FAM83G: variants seen among roughly 807,000 people sequenced by gnomAD.
FAM83G encodes protein FAM83G.
A neutral mutation model predicts 61.5 loss-of-function variants in FAM83G; 38 were observed. That is an observed-to-expected ratio of 0.62 (90% confidence interval 0.48 to 0.81). The LOEUF is 0.81. Ranked by LOEUF, FAM83G falls within the 30% of genes least tolerant of loss-of-function variation. The pLI, the probability that FAM83G is intolerant of heterozygous loss-of-function variation, is 0.00. For synonymous variants in FAM83G, 470 were observed against 476.1 expected (o/e 0.99, Z 0.17); for missense variants, 989 against 1,133.6 (o/e 0.87, Z 1.83).
intron 2 of FAM83G, among the ~76,000 whole-genome samples, chr17:18,993,817 T>A (rs77721749): frequency 6.6e-6 from 1 of 152,244 alleles, no homozygotes; most frequent in Non-Finnish European, 1.5e-5. Flanking sequence ...CCTGGGAAGC[T>A]GCATGACCTT....
intron 2 of FAM83G, among the ~76,000 whole-genome samples, chr17:18,995,205 ATG>A (rs1158419900): frequency 6.6e-6 from 1 of 152,236 alleles, no homozygotes; most frequent in East Asian, 1.9e-4. Context: ...ACCGACACAG[ATG>A]TTAGAACTGG....
chr17:18,991,580 G>A (rs2043426106), intron 2 of FAM83G, among the ~76,000 whole-genome samples: 1 of 152,170 alleles, frequency 6.6e-6, no homozygotes, highest in African/African-American at 2.4e-5. Flanking sequence ...GCAGGAGGCG[G>A]GTGGCCTGGG....
chr17:18,984,225 C>G (rs2043208980), intron 3 of FAM83G, among the ~76,000 whole-genome samples: 1 of 151,492 alleles, frequency 6.6e-6, no homozygotes, highest in Admixed American at 6.6e-5. Context: ...CCCTGTAGTC[C>G]CAGCTACTGG....
Position 19,004,142 on chromosome 17 carries a change from G to A in FAM83G, c.-101C>T, listed in dbSNP as rs1421970381. ...ACCGCGCGCTCGGGGGCCTCTCCGC[G>A]GCCTCTGCTTCTCTGCCCATGAGCA... On this transcript the variant is annotated 5_prime_UTR_variant, in exon 2 of 6. Transcript: ENST00000388995. This position sits in a 1 kb window ranked among gnomAD's most constrained non-coding sequence, Gnocchi z 5.4. The A allele has an allele frequency of 8.4e-7, 1 of 1,188,964 alleles. No individual in the cohort carries two copies. The highest frequency in any genetic ancestry group is 1.5e-5 in the African/African-American group (1 of 64,852). The allele number at this position is 1,188,964 out of a possible 1,614,324, so 73.7% of individuals were successfully genotyped here. A position where few individuals can be genotyped will look rare whatever the true frequency, so the allele number is the denominator to read the frequency against.
chr17:18,980,870 C>T (rs962890023), intron 3 of FAM83G, among the ~76,000 whole-genome samples: 4 of 152,156 alleles, frequency 2.6e-5, no homozygotes, highest in South Asian at 2.1e-4. Flanking sequence ...TTAACACCCA[C>T]TCCAGGGATT....
chr17:18,978,217 G>C lies in FAM83G; in HGVS notation c.1449C>G (p.Pro483=), dbSNP rs1363327750. 14 of 1,577,324 alleles carry C rather than the reference G, an allele frequency of 8.9e-6. No homozygotes were observed. The East Asian group carries it at 2.9e-4, about 33-fold the overall frequency. Residue 483 remains proline, a synonymous_variant, in exon 5 of 6, where the codon CCC becomes CCG. Coordinates refer to ENST00000388995, the MANE Select transcript of FAM83G (RefSeq NM_001039999.3). ...CGTTCTCAGCTGGGACACCGTCCTGGGGGGCACTGGGCTCTGGGGGAGGGC... is the reference window on the plus strand; with the variant it reads ...CGTTCTCAGCTGGGACACCGTCCTGCGGGGCACTGGGCTCTGGGGGAGGGC... ...EPCPPPEPSA[P]QDGVPAENGL...
chr17:18,975,831 G>A (rs2152006327), intron 5 of FAM83G: 1 of 152,280 alleles, frequency 6.6e-6, no homozygotes, highest in South Asian at 2.1e-4. Flanking sequence ...AAAAACCATG[G>A]GAACAGTGTA....
At chr17:18,994,260 C>T (rs182245484) in intron 2 of FAM83G, among the ~76,000 whole-genome samples, 1 of 152,320 alleles carries the variant, frequency 6.6e-6, no homozygotes, top group African/African-American at 2.4e-5. Flanking sequence ...ATCAGCACAG[C>T]GATTCCTGAG....
intron 2 of FAM83G, among the ~76,000 whole-genome samples, chr17:18,997,023 C>T (rs188131687): frequency 2.0e-5 from 3 of 152,342 alleles, no homozygotes; most frequent in East Asian, 1.9e-4. Flanking sequence ...TCTGAGGTCC[C>T]GTTCCCCTTG....
At position 19,003,279 on chromosome 17, in the gene FAM83G, C is replaced by G. The variant is rs933713975; in HGVS notation, c.522+241G>C. ...GAAACACCCTCCAACAATAAAGAGG[C>G]CCTTTGAGACGGGGCAGCCCACTGT... is the stretch of plus-strand genomic sequence containing the variant. On this transcript the variant is annotated intron_variant, in intron 2 of 5. Coordinates refer to ENST00000388995, the MANE Select transcript of FAM83G (RefSeq NM_001039999.3). This position sits in a 1 kb window ranked among gnomAD's most constrained non-coding sequence, Gnocchi z 4.5. 1.3e-5 allele frequency among the ~76,000 whole-genome samples: 2 copies of G among 151,766 alleles called. No homozygotes were observed. The highest frequency in any genetic ancestry group is 2.9e-5 in the Non-Finnish European group (2 of 67,896).
intron 2 of FAM83G, among the ~76,000 whole-genome samples, chr17:18,992,686 T>C (rs2043459233): frequency 6.6e-6 from 1 of 152,156 alleles, no homozygotes; most frequent in Admixed American, 6.5e-5. Context: ...GAGCCACACC[T>C]GCGTTCCAGG....
At position 19,003,662 on chromosome 17, in the gene FAM83G, G is replaced by C. The variant is rs780881053; in HGVS notation, c.380C>G (p.Ser127Cys). 1 of 1,611,960 alleles carries C rather than the reference G, an allele frequency of 6.2e-7. No homozygotes were observed. Among genetic ancestry groups the C allele is most frequent in the African/African-American group, 1.3e-5 (1 of 75,054 alleles). The change falls in exon 2 of 6, where the codon TCC (serine) becomes TGC (cysteine). Residue 127 changes from serine (S) to cysteine (C), a missense_variant. Physicochemically the swap from Ser to Cys is moderately radical, Grantham distance 112. Coordinates refer to ENST00000388995, the MANE Select transcript of FAM83G (RefSeq NM_001039999.3). The surrounding 1 kb of genome is among the most constrained non-coding windows in gnomAD (Gnocchi z 4.5). ...CCAGCCCAGGTCCAGCTGCGGGATG[G>C]AGCGGTCCGACTTCTGGGGCCAGTA... ...LEYWPQKSDR[S>C]IPQLDLGWPD...
intron 5 of FAM83G, 56 bp downstream of exon 5, chr17:18,977,528 T>C: frequency 6.5e-7 from 1 of 1,532,254 alleles, no homozygotes; most frequent in Non-Finnish European, 8.8e-7. Flanking sequence ...CTCGAGCTCT[T>C]GGGTGGCTGG....
chr17:18,999,333 G>A (rs993340369), intron 2 of FAM83G, among the ~76,000 whole-genome samples: 4 of 152,132 alleles, frequency 2.6e-5, no homozygotes, highest in African/African-American at 9.7e-5. Context: ...ACAGGATCCA[G>A]CAGTGAGGCT....
In FAM83G at chr17:18,969,460, C is replaced by T. The variant is rs1047639194; in HGVS notation, c.*1899G>A. The T allele has an allele frequency of 1.9e-6, 3 of 1,585,966 alleles. No individual in the cohort carries two copies. The highest frequency in any genetic ancestry group is 1.7e-5 in the Admixed American group (1 of 59,738). ...TCTGTGGCCATGGCGGGGCTGTCCC[C>T]ACAGCGAGCCCTTTGGAGTCTGGCA... On this transcript the variant is annotated 3_prime_UTR_variant, in exon 6 of 6. Coordinates refer to ENST00000388995, the MANE Select transcript of FAM83G (RefSeq NM_001039999.3).
Position 18,978,406 on chromosome 17 carries a change from C to A in FAM83G, c.1260G>T (p.Glu420Asp), listed in dbSNP as rs868469640. 1 of 1,591,164 alleles carries A rather than the reference C, an allele frequency of 6.3e-7. No individual in the cohort carries two copies. The highest frequency in any genetic ancestry group is 8.6e-7 in the Non-Finnish European group (1 of 1,168,758). ...YLPTWVEPDP[E>D]PGSDILGYIN... Reference sequence around the variant, plus strand: ...TGTAGCCCAGGATGTCGCTGCCAGGCTCCGGGTCTGGCTCCACCCACGTGG... The same window carrying A: ...TGTAGCCCAGGATGTCGCTGCCAGGATCCGGGTCTGGCTCCACCCACGTGG... The change falls in exon 5 of 6, where the codon GAG becomes GAT. Residue 420 changes from glutamate to aspartate, a missense_variant. Physicochemically the swap from Glu to Asp is conservative, Grantham distance 45. Coordinates refer to ENST00000388995, the MANE Select transcript of FAM83G (RefSeq NM_001039999.3).
chr17:18,982,524 G>A (rs2043164677), intron 3 of FAM83G, among the ~76,000 whole-genome samples: 1 of 152,196 alleles, frequency 6.6e-6, no homozygotes, highest in Non-Finnish European at 1.5e-5. Flanking sequence ...AAAAGTCTTT[G>A]GACCCTCTGG....
intron 2 of FAM83G, among the ~76,000 whole-genome samples, chr17:18,992,179 G>A (rs2043443005): frequency 6.6e-6 from 1 of 152,150 alleles, no homozygotes; most frequent in Non-Finnish European, 1.5e-5. Flanking sequence ...CTCCCATGCT[G>A]TACCCTCCCT....
chr17:18,970,898 A>T lies in FAM83G; in HGVS notation c.*461T>A. 1 of 961,094 alleles carries T rather than the reference A, an allele frequency of 1.0e-6. No homozygotes were observed. The highest frequency in any genetic ancestry group is 1.6e-6 in the Non-Finnish European group (1 of 626,014). The allele number at this position is 961,094 out of a possible 1,614,324, so 59.5% of individuals were successfully genotyped here. A position where few individuals can be genotyped will look rare whatever the true frequency, so the allele number is the denominator to read the frequency against. On this transcript the variant is annotated 3_prime_UTR_variant, in exon 6 of 6. Transcript: ENST00000388995. Reference sequence around the variant, plus strand: ...AAACACTGGGAAAGATGAGGTGGAAAAAACTCAAGTTTGATGCATCAGGAA... The same window carrying T: ...AAACACTGGGAAAGATGAGGTGGAATAAACTCAAGTTTGATGCATCAGGAA...
Sources: allele counts gnomAD v4.1 joint callset (sites outside exome capture counted in the v4.1 genomes callset), GRCh38; gene constraint gnomAD v4.1.1; non-coding constraint Gnocchi (gnomAD v3.1); transcripts MANE v1.5; gene names NCBI Gene and HGNC (gene_info 2026-07-23, HGNC 2026-07-21).